The following MIS18A variants were observed in gnomAD, a reference collection of about 807,000 sequenced individuals.
The protein encoded by MIS18A is protein Mis18-alpha.
MIS18A carries 14 observed loss-of-function variants against 25.0 expected under a neutral mutation model. That is an observed-to-expected ratio of 0.56 (90% CI 0.37 to 0.88). MIS18A has a LOEUF of 0.88. Ranked by LOEUF, MIS18A falls within the 40% of genes least tolerant of loss-of-function variation. The pLI is 0.00. For missense variants in MIS18A, 292 were observed against 290.8 expected (o/e 1.00, Z -0.03); for synonymous variants, 134 against 118.6 (o/e 1.13, Z -0.84).
chr21:32,246,980 T>G, the MIS18A span, among the ~76,000 whole-genome samples: 95 of 152,288 alleles, frequency 6.2e-4, no homozygotes, highest in African/African-American at 2.1e-3. Context: ...CAGTCAGTCA[T>G]AGATGATGAC....
At chr21:32,267,836 G>A (rs1051993737), downstream of MIS18A, among the ~76,000 whole-genome samples, 12 of 152,222 alleles carry the variant, frequency 7.9e-5, 1 homozygote, top group Admixed American at 6.5e-4. Flanking sequence ...CAGCACCATA[G>A]TCTGTTAGTG....
chr21:32,247,973 T>C, the MIS18A span, among the ~76,000 whole-genome samples: 1 of 152,260 alleles, frequency 6.6e-6, no homozygotes, highest in South Asian at 2.1e-4. Context: ...AGACTCTATG[T>C]GAAGAGCTGG....
the MIS18A span, among the ~76,000 whole-genome samples, chr21:32,216,193 T>C: frequency 1.3e-5 from 2 of 152,154 alleles, no homozygotes; most frequent in Non-Finnish European, 2.9e-5. Context: ...ATAGAAAGCT[T>C]TGTGGTATTT....
At chr21:32,177,679 A>G in the MIS18A span, among the ~76,000 whole-genome samples, 1 of 152,126 alleles carries the variant, frequency 6.6e-6, no homozygotes, top group African/African-American at 2.4e-5. Flanking sequence ...CAGCATTTAC[A>G]ATAGCACGGA....
chr21:32,239,393 C>T, the MIS18A span, among the ~76,000 whole-genome samples: 15 of 152,198 alleles, frequency 9.9e-5, no homozygotes, highest in Non-Finnish European at 1.2e-4. Flanking sequence ...CAGGAGCAAT[C>T]TTCCAGCTGG....
chr21:32,176,322 T>A, the MIS18A span, among the ~76,000 whole-genome samples: 6 of 152,222 alleles, frequency 3.9e-5, no homozygotes, highest in South Asian at 6.2e-4. Context: ...TGAGCTATGA[T>A]GTTACAACGG....
chr21:32,250,247 G>C, the MIS18A span, among the ~76,000 whole-genome samples: 1 of 152,048 alleles, frequency 6.6e-6, no homozygotes, highest in South Asian at 2.1e-4. Flanking sequence ...TTCTAAAAGA[G>C]ATTTTAAATA....
chr21:32,193,457 A>G, the MIS18A span, among the ~76,000 whole-genome samples: 1 of 151,456 alleles, frequency 6.6e-6, no homozygotes, highest in African/African-American at 2.4e-5. Flanking sequence ...GCTTGATATA[A>G]TAGGTTGATG....
chr21:32,154,700 C>T, the MIS18A span, among the ~76,000 whole-genome samples: 2 of 147,858 alleles, frequency 1.4e-5, no homozygotes, highest in African/African-American at 4.9e-5. Flanking sequence ...GCACCATATA[C>T]TGGTATTTGG....
chr21:32,253,056 C>A, the MIS18A span, among the ~76,000 whole-genome samples: 2 of 152,148 alleles, frequency 1.3e-5, no homozygotes, highest in Non-Finnish European at 2.9e-5. Flanking sequence ...ATGGGATGTG[C>A]TTTAGGGGAG....
the MIS18A span, among the ~76,000 whole-genome samples, chr21:32,181,764 A>T: frequency 6.6e-6 from 1 of 152,092 alleles, no homozygotes; most frequent in Non-Finnish European, 1.5e-5. Flanking sequence ...GGCCTGGGAG[A>T]TCTCTGTGCA....
the MIS18A span, among the ~76,000 whole-genome samples, chr21:32,165,173 A>G: frequency 6.6e-6 from 1 of 152,174 alleles, no homozygotes; most frequent in Non-Finnish European, 1.5e-5. Flanking sequence ...GTCTCTACTA[A>G]AAACAGAAAA....
the MIS18A span, among the ~76,000 whole-genome samples, chr21:32,192,800 T>C: frequency 3.0e-4 from 46 of 152,252 alleles, 1 homozygote; most frequent in Non-Finnish European, 5.3e-4. Context: ...AGGAGCAACC[T>C]CTTGCAAGGT....
chr21:32,176,241 G>T, the MIS18A span, among the ~76,000 whole-genome samples: 1 of 152,180 alleles, frequency 6.6e-6, no homozygotes, highest in Middle Eastern at 3.4e-3. Flanking sequence ...TGTACTATAC[G>T]TAATTGTATG....
the MIS18A span, among the ~76,000 whole-genome samples, chr21:32,162,849 G>T: frequency 2.6e-5 from 4 of 152,142 alleles, no homozygotes; most frequent in East Asian, 5.8e-4. Context: ...CAAAGCCAGG[G>T]GCACATGGCC....
At chr21:32,194,779 A>G in the MIS18A span, among the ~76,000 whole-genome samples, 1 of 152,334 alleles carries the variant, frequency 6.6e-6, no homozygotes, top group South Asian at 2.1e-4. Context: ...TCCTAGTGCA[A>G]TGACTCAGAA....
the MIS18A span, among the ~76,000 whole-genome samples, chr21:32,183,559 C>G: frequency 2.0e-5 from 3 of 152,216 alleles, no homozygotes; most frequent in African/African-American, 7.2e-5. Context: ...CCAAACAACC[C>G]CCTCCTTGGG....
chr21:32,216,381 C>T, the MIS18A span, among the ~76,000 whole-genome samples: 1 of 152,210 alleles, frequency 6.6e-6, no homozygotes, highest in African/African-American at 2.4e-5. Context: ...ATCATTCCAC[C>T]TGTCTACTTT....
chr21:32,252,179 C>T, the MIS18A span, among the ~76,000 whole-genome samples: 1 of 138,876 alleles, frequency 7.2e-6, no homozygotes, highest in African/African-American at 2.7e-5. Context: ...AAGTGAGATC[C>T]TGTCTCAAAA....
Sources: allele counts gnomAD v4.1 joint callset (sites outside exome capture counted in the v4.1 genomes callset), GRCh38; gene constraint gnomAD v4.1.1; transcripts MANE v1.5; gene names NCBI Gene and HGNC (gene_info 2026-07-23, HGNC 2026-07-21).